HSD17B12: variants seen among roughly 807,000 people sequenced by gnomAD.
HSD17B12 encodes the protein hydroxysteroid 17-beta dehydrogenase 12.
Under a neutral mutation model 39.3 loss-of-function variants are expected in HSD17B12, and 32 were observed. The observed-to-expected ratio is 0.81, with a 90% confidence interval of 0.61 to 1.09. The LOEUF is 1.09. Ranked by LOEUF, HSD17B12 falls within the 50% of genes least tolerant of loss-of-function variation. HSD17B12 has a pLI of 0.00. For missense variants in HSD17B12, 342 were observed against 382.9 expected (o/e 0.89, Z 0.89); for synonymous variants, 150 against 146.7 (o/e 1.02, Z -0.16).
upstream of HSD17B12, among the ~76,000 whole-genome samples, chr11:43,679,325 T>C (rs1159136243): frequency 1.3e-5 from 2 of 152,148 alleles, no homozygotes; most frequent in African/African-American, 4.8e-5. Flanking sequence ...CTATTCAACA[T>C]AGTGTTGGAA....
At chr11:43,816,518 G>A (rs1951124532) in intron 6 of HSD17B12, 127 bp downstream of exon 6, 1 of 682,264 alleles carries the variant, frequency 1.5e-6, no homozygotes, top group South Asian at 4.7e-5. Context: ...CCAGATACAA[G>A]TGGTCTATTA....
At chr11:43,645,971 A>C in the HSD17B12 span, 1 of 114,302 alleles carries the variant, frequency 8.7e-6, no homozygotes, top group Non-Finnish European at 1.8e-5. Flanking sequence ...ACAGAGTGAG[A>C]CCCTGTCTCA....
At chr11:43,721,070 T>G (rs1950171885) in intron 1 of HSD17B12, among the ~76,000 whole-genome samples, 1 of 151,734 alleles carries the variant, frequency 6.6e-6, no homozygotes. Context: ...TATATGTTAG[T>G]TTTTTTTAAG....
intron 9 of HSD17B12, among the ~76,000 whole-genome samples, chr11:43,847,452 C>A (rs1161300709): frequency 6.6e-6 from 1 of 152,170 alleles, no homozygotes; most frequent in African/African-American, 2.4e-5. Flanking sequence ...CGCCTATAAT[C>A]CCAGCATTTT....
intron 6 of HSD17B12, among the ~76,000 whole-genome samples, chr11:43,823,249 A>G (rs1382587722): frequency 6.7e-6 from 1 of 149,866 alleles, no homozygotes; most frequent in Non-Finnish European, 1.5e-5. Flanking sequence ...TCATTTTTAG[A>G]CTCTTTCTTT....
At chr11:43,744,096 G>T (rs1450038058) in intron 1 of HSD17B12, among the ~76,000 whole-genome samples, 4 of 152,126 alleles carry the variant, frequency 2.6e-5, no homozygotes, top group Non-Finnish European at 4.4e-5. Context: ...AAATTTATAG[G>T]AAAGTAGAGC....
At chr11:43,567,149 G>A in the HSD17B12 span, among the ~76,000 whole-genome samples, 26 of 152,134 alleles carry the variant, frequency 1.7e-4, no homozygotes, top group Admixed American at 6.5e-5. Context: ...AAGGTTATCC[G>A]GGCTCCATGA....
chr11:43,608,461 GA>G, the HSD17B12 span, among the ~76,000 whole-genome samples: 8 of 151,898 alleles, frequency 5.3e-5, no homozygotes, highest in African/African-American at 1.9e-4. Flanking sequence ...TCAAAGAGAG[GA>G]AAAATACCTA....
upstream of HSD17B12, among the ~76,000 whole-genome samples, chr11:43,677,315 A>G (rs879197149): frequency 3.3e-5 from 5 of 152,188 alleles, no homozygotes; most frequent in Admixed American, 3.3e-4. Flanking sequence ...CAAGTCTTGA[A>G]TCAGCAGCCC....
chr11:43,752,909 T>C (rs1950478312), intron 2 of HSD17B12, among the ~76,000 whole-genome samples: 1 of 152,184 alleles, frequency 6.6e-6, no homozygotes, highest in African/African-American at 2.4e-5. Flanking sequence ...TTTTTATTTT[T>C]ATAAAAAATG....
chr11:43,629,326 T>A, the HSD17B12 span, among the ~76,000 whole-genome samples: 1 of 152,228 alleles, frequency 6.6e-6, no homozygotes, highest in Non-Finnish European at 1.5e-5. Context: ...TGTAAGGACC[T>A]GCTATTCAAA....
chr11:43,581,392 T>C, the HSD17B12 span: 52 of 512,388 alleles, frequency 1.0e-4, no homozygotes, highest in East Asian at 2.6e-3. The surrounding 1 kb of genome is among the most constrained non-coding windows in gnomAD (Gnocchi z 4.9). Flanking sequence ...GCCGGCATAT[T>C]CTGCCCTTCG....
chr11:43,775,367 T>C (rs16937630), intron 3 of HSD17B12, among the ~76,000 whole-genome samples: 2,385 of 152,286 alleles, frequency 0.016, 77 homozygotes, highest in African/African-American at 0.052. Context: ...TAGGATCACA[T>C]TGCTGATGAG....
chr11:43,761,281 C>A (rs543229818), intron 3 of HSD17B12, among the ~76,000 whole-genome samples: 21 of 152,194 alleles, frequency 1.4e-4, no homozygotes, highest in African/African-American at 5.1e-4. Flanking sequence ...TGAGACAATG[C>A]AAATAATTAC....
At chr11:43,839,547 C>T (rs115097244) in intron 8 of HSD17B12, among the ~76,000 whole-genome samples, 2 of 152,078 alleles carry the variant, frequency 1.3e-5, no homozygotes, top group African/African-American at 2.4e-5. Context: ...CTTCTTGGAT[C>T]TTGTCATCCC....
At chr11:43,810,298 A>C (rs1951057780) in intron 4 of HSD17B12, among the ~76,000 whole-genome samples, 1 of 150,762 alleles carries the variant, frequency 6.6e-6, no homozygotes, top group African/African-American at 2.4e-5. Flanking sequence ...AGAAACAGAA[A>C]TCTTGTAAAT....
intron 1 of HSD17B12, among the ~76,000 whole-genome samples, chr11:43,705,604 G>A (rs1950005334): frequency 6.6e-6 from 1 of 151,958 alleles, no homozygotes; most frequent in South Asian, 2.1e-4. Flanking sequence ...GAAGTCAATT[G>A]TATTCATCAT....
the HSD17B12 span, among the ~76,000 whole-genome samples, chr11:43,594,474 T>G: frequency 6.6e-6 from 1 of 151,824 alleles, no homozygotes; most frequent in Non-Finnish European, 1.5e-5. Context: ...TTTTAAAATA[T>G]TCTATTAAAT....
the HSD17B12 span, among the ~76,000 whole-genome samples, chr11:43,580,913 C>G: frequency 6.6e-6 from 1 of 151,924 alleles, no homozygotes; most frequent in African/African-American, 2.4e-5. Context: ...ATTTAGTGCT[C>G]TGGGGGAGTT....
Sources: allele counts gnomAD v4.1 joint callset (sites outside exome capture counted in the v4.1 genomes callset), GRCh38; gene constraint gnomAD v4.1.1; non-coding constraint Gnocchi (gnomAD v3.1); transcripts MANE v1.5; gene names NCBI Gene and HGNC (gene_info 2026-07-23, HGNC 2026-07-21).